Variants in TEX11 observed in about 807,000 individuals in gnomAD.
TEX11 encodes testis expressed 11.
Under a neutral mutation model 84.4 loss-of-function variants are expected in TEX11, and 7 were observed. That is an observed-to-expected ratio of 0.08 (90% CI 0.05 to 0.16). TEX11 has a LOEUF of 0.16. Among genes scored for constraint, TEX11 ranks in the 10% least tolerant of loss-of-function variants. The pLI, the probability that TEX11 is intolerant of heterozygous loss-of-function variation, is 1.00. For synonymous variants in TEX11, 264 were observed against 222.8 expected (o/e 1.18, Z -1.64); for missense variants, 551 against 660.5 (o/e 0.83, Z 1.82).
chrX:70,522,591 T>C, the TEX11 span, among the ~76,000 whole-genome samples: 1 of 111,718 alleles, frequency 9.0e-6, no homozygotes, highest in South Asian at 3.8e-4. Context: ...TGGAGTGCAA[T>C]GGCGCAATCT....
chrX:70,552,290 C>T, intron 27 of TEX11, 44 bp from the exon 28 acceptor site: 1 of 1,187,974 alleles, frequency 8.4e-7, no homozygotes, highest in Non-Finnish European at 1.1e-6. Context: ...GGAAAGAAAT[C>T]ATTGGCTTCA....
intron 9 of TEX11, among the ~76,000 whole-genome samples, chrX:70,777,302 G>A (rs1451006494): frequency 1.8e-5 from 2 of 111,816 alleles, no homozygotes; most frequent in African/African-American, 6.5e-5. Context: ...TAGAGGGGAA[G>A]GAATAAAATG....
chrX:70,572,304 C>T (rs1399953442), intron 25 of TEX11, among the ~76,000 whole-genome samples: 2 of 111,579 alleles, frequency 1.8e-5, no homozygotes, highest in Admixed American at 1.9e-4. Context: ...CAATGAGATA[C>T]CATCTCACAC....
chrX:70,780,877 G>A (rs1669279998), intron 9 of TEX11, among the ~76,000 whole-genome samples: 1 of 112,511 alleles, frequency 8.9e-6, no homozygotes, highest in Admixed American at 9.4e-5. Context: ...TCTGTGGACA[G>A]GGCAGAGCTG....
In TEX11 at chrX:70,678,786, AAG is replaced by A. The variant is rs1391248164; in HGVS notation, c.1242+16_1242+17del. 2.5e-6 allele frequency: 3 copies of A among 1,179,963 alleles called. No individual in the cohort carries two copies. The highest frequency in any genetic ancestry group is 3.6e-5 in the African/African-American group (2 of 55,851). ...TGCAGTGGAGAAATAAAGAATGAAA[AAG>A]AGATTATTCTCAAACCTCAAAACTA... is the stretch of plus-strand genomic sequence containing the variant. On this transcript the variant is annotated intron_variant, in intron 15 of 29. Transcript: ENST00000374333.
intron 9 of TEX11, among the ~76,000 whole-genome samples, chrX:70,797,906 T>TTACC (rs2091164670): frequency 1.1e-5 from 1 of 90,746 alleles, no homozygotes; most frequent in African/African-American, 4.1e-5. Flanking sequence ...TCATACTAGA[T>TTACC]GGTAAAAAGG....
rs749319210 is a variant in TEX11 at position 70,885,907 on chromosome X, A to AAAAG, written c.38-5802_38-5799dup. ...CTGCCACAAAAAAAAAAAAAAAAGA[A>AAAAG]AAAGAAAGAAAGAAAGAAAGAAAGA... On this transcript the variant is annotated intron_variant, in intron 2 of 29. Coordinates refer to ENST00000374333, the MANE Select transcript of TEX11 (RefSeq NM_031276.3). Among the ~76,000 whole-genome samples, 760 of 107,702 alleles carry AAAAG rather than the reference A, an allele frequency of 7.1e-3. 4 individuals are homozygous for AAAAG. Among genetic ancestry groups the AAAAG allele is most frequent in the African/African-American group, 9.4e-3 (277 of 29,372 alleles). The allele number at this position is 107,702 out of a possible 115,157, so 93.5% of individuals were successfully genotyped here.
chrX:70,797,914 AG>A (rs1235788379), intron 9 of TEX11, among the ~76,000 whole-genome samples: 2 of 94,524 alleles, frequency 2.1e-5, no homozygotes, highest in Non-Finnish European at 4.2e-5. Context: ...GATGGTAAAA[AG>A]GTTAAAACAT....
intron 25 of TEX11, among the ~76,000 whole-genome samples, chrX:70,587,643 G>A (rs534324537): frequency 3.6e-5 from 4 of 112,397 alleles, no homozygotes; most frequent in African/African-American, 1.3e-4. Context: ...CTCTGCTAGG[G>A]TAGTGAGGAA....
intron 25 of TEX11, among the ~76,000 whole-genome samples, chrX:70,564,716 C>T (rs2088432189): frequency 9.3e-6 from 1 of 107,967 alleles, no homozygotes; most frequent in Non-Finnish European, 1.9e-5. Flanking sequence ...CATCCATGTC[C>T]CTACAAAGGA....
chrX:70,887,572 G>A (rs1326086109), intron 2 of TEX11, among the ~76,000 whole-genome samples: 2 of 112,261 alleles, frequency 1.8e-5, no homozygotes, highest in East Asian at 5.6e-4. Context: ...GCACCAGGTA[G>A]ATGTCTAAGG....
chrX:70,691,372 C>T (rs1282842725), intron 13 of TEX11, among the ~76,000 whole-genome samples: 2 of 111,952 alleles, frequency 1.8e-5, no homozygotes, highest in Admixed American at 9.5e-5. Flanking sequence ...CACTCATATT[C>T]ATAGCATTAT....
intron 2 of TEX11, among the ~76,000 whole-genome samples, chrX:70,898,920 C>T (rs1272370711): frequency 8.9e-6 from 1 of 111,819 alleles, no homozygotes; most frequent in African/African-American, 3.2e-5. Flanking sequence ...CTGTACTATT[C>T]CCCCTAATAG....
chrX:70,836,340 C>T (rs2091405395), intron 7 of TEX11, among the ~76,000 whole-genome samples: 2 of 111,244 alleles, frequency 1.8e-5, no homozygotes, highest in South Asian at 7.5e-4. Flanking sequence ...AACTGGACTT[C>T]ATCAAAACTG....
At chrX:70,645,301 C>A (rs1292521772) in intron 17 of TEX11, among the ~76,000 whole-genome samples, 2 of 107,292 alleles carry the variant, frequency 1.9e-5, no homozygotes, top group African/African-American at 6.7e-5. Context: ...AAAAAAAAAA[C>A]ACAATAAAGG....
rs1384640066 is a variant in TEX11, at chrX:70,539,036, A to AT, written c.2521-9038dup. Among the ~76,000 whole-genome samples the AT allele has an allele frequency of 4.5e-4, 7 of 15,628 alleles. No homozygotes were observed. In the East Asian group the frequency reaches 0.056, roughly 125 times the overall value. 13.6% of individuals were successfully genotyped at this position (15,628 alleles called of 115,157 possible). On this transcript the variant is annotated intron_variant, in intron 28 of 29. Coordinates refer to ENST00000374333, the MANE Select transcript of TEX11 (RefSeq NM_031276.3). ...CACTTGGAAATATATATATATATAT[A>AT]TATTTTTTTTTTTTTTAAGATGGAG...
At chrX:70,593,073 A>ACACACACACACACACACACACG (rs2088955828) in intron 24 of TEX11, among the ~76,000 whole-genome samples, 1 of 108,741 alleles carries the variant, frequency 9.2e-6, no homozygotes, top group South Asian at 4.0e-4. Flanking sequence ...ACACACACAC[A>ACACACACACACACACACACACG]CACACACACA....
chrX:70,745,563 C>T (rs1284225299), intron 9 of TEX11, among the ~76,000 whole-genome samples: 5 of 110,676 alleles, frequency 4.5e-5, no homozygotes, highest in African/African-American at 9.8e-5. Context: ...GGTGAAACCC[C>T]GTCTCTACTA....
At chrX:70,887,612 A>C (rs1171666565) in intron 2 of TEX11, among the ~76,000 whole-genome samples, 1 of 112,496 alleles carries the variant, frequency 8.9e-6, no homozygotes, top group East Asian at 2.8e-4. Flanking sequence ...GCTCCCAGAC[A>C]GCATCTCTGG....
Sources: allele counts gnomAD v4.1 joint callset (sites outside exome capture counted in the v4.1 genomes callset), GRCh38; gene constraint gnomAD v4.1.1; transcripts MANE v1.5; gene names NCBI Gene and HGNC (gene_info 2026-07-23, HGNC 2026-07-21).